The following SPMIP6 variants were observed in gnomAD, a reference collection of about 807,000 sequenced individuals.
The protein encoded by SPMIP6 is ciliated bronchial epithelial protein 1.
At chr9:34,381,660 G>A in the SPMIP6 span, 3 of 1,417,688 alleles carry the variant, frequency 2.1e-6, no homozygotes, top group Non-Finnish European at 1.8e-6. The surrounding 1 kb of genome is among the most constrained non-coding windows in gnomAD (Gnocchi z 4.4). Context: ...GCTGAAGGTG[G>A]ATGGGGTTTG....
the SPMIP6 span, among the ~76,000 whole-genome samples, chr9:34,395,264 G>C: frequency 6.6e-6 from 1 of 152,130 alleles, no homozygotes; most frequent in East Asian, 1.9e-4. Flanking sequence ...ACCATGCCTG[G>C]CTTTTCCTTC....
the SPMIP6 span, among the ~76,000 whole-genome samples, chr9:34,386,402 T>C: frequency 6.6e-6 from 1 of 152,068 alleles, no homozygotes; most frequent in Non-Finnish European, 1.5e-5. Context: ...GAGACTATCC[T>C]GGCTAACATG....
chr9:34,390,783 C>T, the SPMIP6 span, among the ~76,000 whole-genome samples: 1 of 152,040 alleles, frequency 6.6e-6, no homozygotes, highest in African/African-American at 2.4e-5. Flanking sequence ...CCACACCTGG[C>T]TAATTTTTAA....
chr9:34,380,669 A>G, the SPMIP6 span: 3 of 1,542,574 alleles, frequency 1.9e-6, no homozygotes, highest in Non-Finnish European at 1.7e-6. Flanking sequence ...TGAGAGGGAC[A>G]GGGGTCGGGG....
chr9:34,379,869 C>A, the SPMIP6 span: 1 of 646,126 alleles, frequency 1.5e-6, no homozygotes, highest in East Asian at 2.7e-5. This position sits in a 1 kb window ranked among gnomAD's most constrained non-coding sequence, Gnocchi z 4.2. Context: ...CTTCCTCACC[C>A]TTCAAAACCC....
chr9:34,382,815 A>T, the SPMIP6 span: 11 of 1,614,034 alleles, frequency 6.8e-6, no homozygotes, highest in Non-Finnish European at 8.5e-6. Flanking sequence ...GTAAGGTTCC[A>T]TCCTCCATGT....
chr9:34,393,961 A>G, the SPMIP6 span, among the ~76,000 whole-genome samples: 1 of 151,760 alleles, frequency 6.6e-6, no homozygotes, highest in Non-Finnish European at 1.5e-5. Flanking sequence ...ATAATCTCTT[A>G]TTGCTTGCTT....
the SPMIP6 span, among the ~76,000 whole-genome samples, chr9:34,392,062 GGTTT>G: frequency 1.1e-4 from 17 of 152,074 alleles, no homozygotes; most frequent in Admixed American, 2.6e-4. The surrounding 1 kb of genome is among the most constrained non-coding windows in gnomAD (Gnocchi z 4.6). Flanking sequence ...AGGCTGGCAT[GGTTT>G]GTTTGTTTGT....
At chr9:34,380,008 A>C in the SPMIP6 span, among the ~76,000 whole-genome samples, 1 of 152,036 alleles carries the variant, frequency 6.6e-6, no homozygotes, top group Admixed American at 6.5e-5. Flanking sequence ...ACCTGGAACC[A>C]CCGGATCCCC....
the SPMIP6 span, among the ~76,000 whole-genome samples, chr9:34,385,341 G>C: frequency 4.6e-5 from 7 of 152,020 alleles, 1 homozygote; most frequent in African/African-American, 1.7e-4. Flanking sequence ...AGACCAGCCT[G>C]GCCAACATGG....
At chr9:34,380,806 A>C in the SPMIP6 span, 135 of 1,526,928 alleles carry the variant, frequency 8.8e-5, no homozygotes, top group Non-Finnish European at 1.2e-4. Context: ...GGGGGCCTGC[A>C]CGGAAGCTGG....
At chr9:34,389,096 T>A in the SPMIP6 span, among the ~76,000 whole-genome samples, 1 of 152,042 alleles carries the variant, frequency 6.6e-6, no homozygotes, top group East Asian at 1.9e-4. Flanking sequence ...CACACCCAGC[T>A]GATTTTTTTT....
chr9:34,396,599 A>G, the SPMIP6 span, among the ~76,000 whole-genome samples: 1 of 152,154 alleles, frequency 6.6e-6, no homozygotes, highest in East Asian at 1.9e-4. Flanking sequence ...TCTCTCACCC[A>G]AGGACTAAAC....
At chr9:34,393,125 A>C in the SPMIP6 span, among the ~76,000 whole-genome samples, 1 of 152,256 alleles carries the variant, frequency 6.6e-6, no homozygotes, top group African/African-American at 2.4e-5. Flanking sequence ...AGTTCCAGCT[A>C]GTTGACAGTA....
chr9:34,386,369 G>A, the SPMIP6 span, among the ~76,000 whole-genome samples: 13 of 152,282 alleles, frequency 8.5e-5, 2 homozygotes, highest in South Asian at 2.7e-3. Context: ...GCCGAGGCAG[G>A]CGGATCACGA....
chr9:34,381,107 A>G, the SPMIP6 span: 1 of 1,605,550 alleles, frequency 6.2e-7, no homozygotes, highest in Non-Finnish European at 8.5e-7. This position sits in a 1 kb window ranked among gnomAD's most constrained non-coding sequence, Gnocchi z 4.4. Flanking sequence ...CAGTGAGTTC[A>G]GCATGTTCAC....
chr9:34,397,632 A>G, the SPMIP6 span: 5 of 1,601,092 alleles, frequency 3.1e-6, no homozygotes, highest in Non-Finnish European at 4.3e-6. Context: ...GAACAGGAAC[A>G]TGGTGTGGTC....
the SPMIP6 span, chr9:34,397,611 G>A: frequency 1.2e-6 from 2 of 1,609,350 alleles, no homozygotes; most frequent in Non-Finnish European, 1.7e-6. Flanking sequence ...AGGGGTCCTG[G>A]TCTTACGGGA....
the SPMIP6 span, among the ~76,000 whole-genome samples, chr9:34,386,043 C>T: frequency 1.3e-5 from 2 of 152,352 alleles, no homozygotes; most frequent in East Asian, 3.9e-4. Context: ...AGTTTTCTGA[C>T]TTTCTCATTT....
Sources: allele counts gnomAD v4.1 joint callset (sites outside exome capture counted in the v4.1 genomes callset), GRCh38; gene constraint gnomAD v4.1.1; non-coding constraint Gnocchi (gnomAD v3.1); transcripts MANE v1.5; gene names NCBI Gene and HGNC (gene_info 2026-07-23, HGNC 2026-07-21).